The following UGGT2 variants were observed in gnomAD, a reference collection of about 807,000 sequenced individuals.
The protein encoded by UGGT2 is UDP-glucose:glycoprotein glucosyltransferase 2.
In UGGT2, 180 loss-of-function variants were observed where a neutral mutation model predicts 192.1. The observed-to-expected ratio is 0.94, with a 90% CI of 0.83 to 1.06. The LOEUF is 1.06. Ranked by LOEUF, UGGT2 falls within the 50% of genes least tolerant of loss-of-function variation. The pLI is 0.00. For missense variants in UGGT2, 1,849 were observed against 1,795.7 expected (o/e 1.03, Z -0.54); for synonymous variants, 580 against 591.0 (o/e 0.98, Z 0.27).
In UGGT2 at chr13:96,028,325, T is replaced by C. The variant is rs866671122; in HGVS notation, c.241+3564A>G. 1.8e-4 allele frequency among the ~76,000 whole-genome samples: 27 copies of C among 152,376 alleles called. 2 individuals carry two copies. The South Asian group carries it at 2.7e-3, about 15-fold the overall frequency. On this transcript the variant is annotated intron_variant, in intron 2 of 38. Coordinates refer to ENST00000376747, the MANE Select transcript of UGGT2 (RefSeq NM_020121.4). ...ACTATGTTAGAAAGCCTTAACATTTTTTGAAAATTTCTTCCATTAATAAAA... is the reference window on the plus strand; with the variant it reads ...ACTATGTTAGAAAGCCTTAACATTTCTTGAAAATTTCTTCCATTAATAAAA...
chr13:96,019,254 T>C (rs538329430), intron 4 of UGGT2, among the ~76,000 whole-genome samples: 3 of 151,968 alleles, frequency 2.0e-5, no homozygotes, highest in Non-Finnish European at 4.4e-5. Flanking sequence ...AAGAGCTTGA[T>C]TACTTGTGGC....
At chr13:95,968,477 T>C (rs1461119540) in intron 12 of UGGT2, among the ~76,000 whole-genome samples, 1 of 152,162 alleles carries the variant, frequency 6.6e-6, no homozygotes, top group African/African-American at 2.4e-5. Context: ...TAGGGCCTGA[T>C]AGGACGTGTT....
In UGGT2 at chr13:96,031,207, T is replaced by A. The variant is rs141850233; in HGVS notation, c.241+682A>T. On this transcript the variant is annotated intron_variant, in intron 2 of 38. Transcript: ENST00000376747. Reference sequence around the variant, plus strand: ...TCCAATTTTGCTATGAACTTAGAACTACTCTAAAAAAATTAAGTCTACTTT... The same window carrying A: ...TCCAATTTTGCTATGAACTTAGAACAACTCTAAAAAAATTAAGTCTACTTT... Among the ~76,000 whole-genome samples, 37 of 152,256 alleles carry A rather than the reference T, an allele frequency of 2.4e-4. No individual in the cohort carries two copies. In the East Asian group the frequency reaches 6.8e-3, roughly 28 times the overall value.
intron 5 of UGGT2, among the ~76,000 whole-genome samples, chr13:96,003,873 GAGA>G (rs918935152): frequency 6.6e-6 from 1 of 152,096 alleles, no homozygotes; most frequent in East Asian, 1.9e-4. Context: ...ACTAAATTTT[GAGA>G]AGATTTGTTA....
intron 24 of UGGT2, among the ~76,000 whole-genome samples, chr13:95,893,493 TG>T (rs1223347602): frequency 6.6e-6 from 1 of 152,194 alleles, no homozygotes; most frequent in Non-Finnish European, 1.5e-5. Flanking sequence ...TAAAGTGACC[TG>T]AAGTATTTGC....
At chr13:95,877,038 C>G in intron 29 of UGGT2, 1 of 351,014 alleles carries the variant, frequency 2.8e-6, no homozygotes, top group Non-Finnish European at 5.1e-6. Flanking sequence ...TGTGCGCCAC[C>G]ATGTCTGGCA....
At chr13:95,897,067 AT>A (rs2047967280) in intron 22 of UGGT2, among the ~76,000 whole-genome samples, 1 of 152,014 alleles carries the variant, frequency 6.6e-6, no homozygotes, top group Admixed American at 6.6e-5. Flanking sequence ...AATGCCCATT[AT>A]TTTTCATGAT....
chr13:96,019,748 G>A (rs969073848), intron 4 of UGGT2, among the ~76,000 whole-genome samples: 1 of 152,222 alleles, frequency 6.6e-6, no homozygotes, highest in African/African-American at 2.4e-5. Flanking sequence ...AACAGCACAA[G>A]AGTCAGTATG....
At chr13:95,979,557 A>G (rs2051049247) in intron 10 of UGGT2, among the ~76,000 whole-genome samples, 1 of 151,248 alleles carries the variant, frequency 6.6e-6, no homozygotes, top group African/African-American at 2.4e-5. Flanking sequence ...GCAAAAAAAA[A>G]AAAAATACAG....
chr13:96,047,493 G>C (rs540325208), intron 1 of UGGT2, among the ~76,000 whole-genome samples: 1 of 152,076 alleles, frequency 6.6e-6, no homozygotes, highest in Non-Finnish European at 1.5e-5. Flanking sequence ...AAAGACCAAA[G>C]GTAGATAAAA....
Position 95,902,953 on chromosome 13 carries a change from C to G in UGGT2, c.2403G>C (p.Gln801His), listed in dbSNP as rs200213739. The stretch of plus-strand genomic sequence containing the variant: ...GAAAGCTTCTCAAAAACATGTTCTT[C>G]TGTGTAAGAAAAGCTGCCAAAATTC... The part of the protein sequence containing the change: ...SRGILAAFLT[Q>H]KNMFLRSFLG... Residue 801 changes from glutamine to histidine, a missense_variant, in exon 21 of 39, where the codon CAG becomes CAC. Gln to His is a conservative substitution (Grantham distance 24, BLOSUM62 0). Transcript: ENST00000376747. 402 of 1,613,434 alleles carry G rather than the reference C, an allele frequency of 2.5e-4. 1 individual carries two copies. Among genetic ancestry groups the G allele is most frequent in the Non-Finnish European group, 9.3e-6 (11 of 1,179,698 alleles).
chr13:95,874,532 C>T (rs1891494362), intron 29 of UGGT2, among the ~76,000 whole-genome samples: 1 of 152,170 alleles, frequency 6.6e-6, no homozygotes, highest in African/African-American at 2.4e-5. Flanking sequence ...GAGGTCATCA[C>T]ACTACTCAGC....
intron 38 of UGGT2, among the ~76,000 whole-genome samples, chr13:95,818,304 C>G (rs1245264181): frequency 2.0e-5 from 3 of 152,090 alleles, no homozygotes; most frequent in Non-Finnish European, 2.9e-5. Context: ...AGTGTGAGAC[C>G]CTGTCTCAAA....
At chr13:95,917,918 G>T (rs1287131345) in intron 20 of UGGT2, among the ~76,000 whole-genome samples, 3 of 152,234 alleles carry the variant, frequency 2.0e-5, no homozygotes, top group East Asian at 3.9e-4. Context: ...AAGAGACTTA[G>T]ACTCCCACAC....
intron 2 of UGGT2, among the ~76,000 whole-genome samples, chr13:96,026,659 C>CTTTTTTTTT (rs71211702): frequency 2.0e-5 from 2 of 101,536 alleles, no homozygotes; most frequent in African/African-American, 3.6e-5. Flanking sequence ...TTTCACTCTT[C>CTTTTTTTTT]TTTTTTTTTT....
intron 16 of UGGT2, among the ~76,000 whole-genome samples, chr13:95,938,675 A>G (rs976309562): frequency 6.6e-6 from 1 of 152,194 alleles, no homozygotes; most frequent in Non-Finnish European, 1.5e-5. Context: ...TTTAACAAGG[A>G]TAAACTCCTC....
At chr13:95,923,867 G>A (rs905022435) in intron 20 of UGGT2, among the ~76,000 whole-genome samples, 11 of 152,080 alleles carry the variant, frequency 7.2e-5, no homozygotes, top group African/African-American at 2.2e-4. Flanking sequence ...AGGTTTTATG[G>A]GTGATTACTT....
chr13:95,868,962 G>A (rs925640409), intron 29 of UGGT2, among the ~76,000 whole-genome samples: 2 of 151,636 alleles, frequency 1.3e-5, no homozygotes, highest in Non-Finnish European at 1.5e-5. Context: ...GTATACATGT[G>A]CCATGTTGGT....
At chr13:96,035,197 C>A (rs758461214) in intron 1 of UGGT2, among the ~76,000 whole-genome samples, 12 of 152,138 alleles carry the variant, frequency 7.9e-5, no homozygotes, top group Non-Finnish European at 1.3e-4. Flanking sequence ...ATACAGCATG[C>A]TACTGGTACA....
Sources: allele counts gnomAD v4.1 joint callset (sites outside exome capture counted in the v4.1 genomes callset), GRCh38; gene constraint gnomAD v4.1.1; transcripts MANE v1.5; gene names NCBI Gene and HGNC (gene_info 2026-07-23, HGNC 2026-07-21).